The following TMEM225 variants were observed in gnomAD, a reference collection of about 807,000 sequenced individuals.
The protein encoded by TMEM225 is PMP22 claudin domain-containing protein.
Under a neutral mutation model 17.6 loss-of-function variants are expected in TMEM225, and 10 were observed. The ratio of observed to expected loss-of-function variants is 0.57; its 90% CI spans 0.35 to 0.96. TMEM225 has a LOEUF of 0.96. Among genes scored for constraint, TMEM225 ranks in the 40% least tolerant of loss-of-function variants. The pLI, the probability that TMEM225 is intolerant of heterozygous loss-of-function variation, is 0.02. For synonymous variants in TMEM225, 101 were observed against 94.5 expected (o/e 1.07, Z -0.40); for missense variants, 245 against 271.5 (o/e 0.90, Z 0.69).
rs760483112 is a variant in TMEM225, at chr11:123,885,365, C to T, written c.61G>A (p.Val21Ile). 37 of 1,613,328 alleles carry T rather than the reference C, an allele frequency of 2.3e-5. No individual in the cohort carries two copies. The highest frequency in any genetic ancestry group is 1.8e-4 in the South Asian group (16 of 91,054). Reference sequence around the variant, plus strand: ...GTGATTCCCATCACCATTAAGACTACGGCCCAGGAGGAGAAAAGTATGTTC... The same window carrying T: ...GTGATTCCCATCACCATTAAGACTATGGCCCAGGAGGAGAAAAGTATGTTC... ...GMNILFSSWA[V>I]VLMVMGITLD... The change falls in exon 1 of 4, where the codon GTA (valine) becomes ATA (isoleucine). Residue 21 changes from valine (V) to isoleucine (I), a missense_variant. By Grantham distance (29) the Val-to-Ile change is conservative. Coordinates refer to ENST00000375026, the MANE Select transcript of TMEM225 (RefSeq NM_001013743.3).
Position 123,883,165 on chromosome 11 carries a change from T to G in TMEM225, c.651A>C (p.Gln217His), listed in dbSNP as rs765878943. The change falls in exon 4 of 4, where the codon CAA (glutamine) becomes CAC (histidine). Residue 217 changes from glutamine to histidine, a missense_variant. Transcript: ENST00000375026. ...ACAGAGCCCAGGTTACGTGACGTGT[T>G]TGGACTTTTTTGTTTAGGGAATTCA... ...HTVNSLNKKV[Q>H]TRHVTWAL is the part of the protein sequence containing the mutation. The G allele has an allele frequency of 5.0e-6, 8 of 1,613,312 alleles. No individual in the cohort carries two copies. The highest frequency in any genetic ancestry group is 5.9e-6 in the Non-Finnish European group (7 of 1,179,550).
At position 123,883,331 on chromosome 11, in the gene TMEM225, C is replaced by T; in HGVS notation, c.485G>A (p.Cys162Tyr). 1 of 1,612,764 alleles carries T rather than the reference C, an allele frequency of 6.2e-7. No individual in the cohort carries two copies. The stretch of plus-strand genomic sequence containing the variant: ...GGTACAGCTACTGGTAGACAACTTG[C>T]ACTCTAGGAGAGAGAGGACTCCTAG... ...SVCGVLSLLE[C>Y]KLSTSSCTCL... The change falls in exon 4 of 4, where the codon TGC becomes TAC. Residue 162 changes from cysteine (C) to tyrosine (Y), a missense_variant. Transcript: ENST00000375026.
In TMEM225 at chr11:123,882,930, A is replaced by G; in HGVS notation, c.*208T>C. 1 of 395,216 alleles carries G rather than the reference A, an allele frequency of 2.5e-6. No individual in the cohort carries two copies. Among genetic ancestry groups the G allele is most frequent in the African/African-American group, 2.1e-5 (1 of 48,770 alleles). 24.5% of individuals were successfully genotyped at this position (395,216 alleles called of 1,614,324 possible). A position where few individuals can be genotyped will look rare whatever the true frequency, so the allele number is the denominator to read the frequency against. On this transcript the variant is annotated 3_prime_UTR_variant, in exon 4 of 4. Coordinates refer to ENST00000375026, the MANE Select transcript of TMEM225 (RefSeq NM_001013743.3). ...TAACAATACAGAAAGTATTATTTAT[A>G]TGATAATATTTATTATATTAACAAC...
In TMEM225 at chr11:123,883,318, G is replaced by A; in HGVS notation, c.498C>T (p.Thr166=). 6.2e-7 allele frequency: 1 copy of A among 1,613,104 alleles called. No homozygotes were observed. Among genetic ancestry groups the A allele is most frequent in the Non-Finnish European group, 8.5e-7 (1 of 1,179,428 alleles). The part of the protein sequence containing the change: ...VLSLLECKLS[T]SSCTCLNIHK... ...GGATGTTCAGGCAGGTACAGCTACT[G>A]GTAGACAACTTGCACTCTAGGAGAG... The change falls in exon 4 of 4, where the codon ACC becomes ACT. Residue 166 remains threonine, a synonymous_variant. Coordinates refer to ENST00000375026, the MANE Select transcript of TMEM225 (RefSeq NM_001013743.3).
At chr11:123,884,374 A>G (rs1863009922) in intron 2 of TMEM225, 116 bp downstream of exon 2, 3 of 1,302,766 alleles carry the variant, frequency 2.3e-6, no homozygotes, top group Non-Finnish European at 3.1e-6. Context: ...TCCTGCTTTT[A>G]TGGTAGATCT....
chr11:123,883,948 C>A, intron 3 of TMEM225, 127 bp downstream of exon 3: 15 of 999,690 alleles, frequency 1.5e-5, no homozygotes, highest in Non-Finnish European at 2.1e-5. Context: ...AGAATGAATC[C>A]AGGTGAGCTG....
In TMEM225 at chr11:123,884,312, C is replaced by T. The variant is rs74880684; in HGVS notation, c.329-103G>A. 3,189 of 1,419,928 alleles carry T rather than the reference C, an allele frequency of 2.2e-3. 56 individuals are homozygous for T. In the African/African-American group the frequency reaches 0.039, roughly 17 times the overall value. The allele number at this position is 1,419,928 out of a possible 1,614,324, so 88.0% of individuals were successfully genotyped here. A position where few individuals can be genotyped will look rare whatever the true frequency, so the allele number is the denominator to read the frequency against. On this transcript the variant is annotated intron_variant, in intron 2 of 3. Coordinates refer to ENST00000375026, the MANE Select transcript of TMEM225 (RefSeq NM_001013743.3). The stretch of plus-strand genomic sequence containing the variant: ...AAGTCTTCATTCCATATACACTTGA[C>T]TTCCCAACCCCCACCCGGTCCAACT...
Position 123,884,605 on chromosome 11 carries a change from C to T in TMEM225, c.213G>A (p.Thr71=), listed in dbSNP as rs201961554. 87 of 1,613,186 alleles carry T rather than the reference C, an allele frequency of 5.4e-5. No individual in the cohort carries two copies. Among genetic ancestry groups the T allele is most frequent in the Admixed American group, 2.3e-4 (14 of 59,918 alleles). ...DDLKVVRIMM[T]SSLGLSFLLN... ...GGAGGAAGGAAAGGCCAAGGCTCGA[C>T]GTCATCATAATCCTGACCACTTTCA... Residue 71 remains threonine (T), a synonymous_variant, in exon 2 of 4, where the codon ACG becomes ACA. Coordinates refer to ENST00000375026, the MANE Select transcript of TMEM225 (RefSeq NM_001013743.3).
chr11:123,884,133 A>G lies in TMEM225; in HGVS notation c.405T>C (p.Tyr135=), dbSNP rs757115188. Residue 135 remains tyrosine (Y), a synonymous_variant, in exon 3 of 4, where the codon TAT becomes TAC. Coordinates refer to ENST00000375026, the MANE Select transcript of TMEM225 (RefSeq NM_001013743.3). ...CAGTATACATGATCCAGGTGATCCT[A>G]TAACTAGAGAAGTGCATGGATTGAC... The part of the protein sequence containing the change: ...KQGQSMHFSS[Y]RITWIMYTAY... 1.9e-5 allele frequency: 30 copies of G among 1,611,944 alleles called. 1 individual carries two copies. The South Asian group carries it at 2.1e-4, about 11-fold the overall frequency.
At position 123,882,962 on chromosome 11, in the gene TMEM225, T is replaced by A. The variant is rs1343794657; in HGVS notation, c.*176A>T. 3 of 478,186 alleles carry A rather than the reference T, an allele frequency of 6.3e-6. No homozygotes were observed. Among genetic ancestry groups the A allele is most frequent in the Non-Finnish European group, 1.1e-5 (3 of 272,320 alleles). 29.6% of individuals were successfully genotyped at this position (478,186 alleles called of 1,614,324 possible). A position where few individuals can be genotyped will look rare whatever the true frequency, so the allele number is the denominator to read the frequency against. On this transcript the variant is annotated 3_prime_UTR_variant, in exon 4 of 4. Transcript: ENST00000375026. The stretch of plus-strand genomic sequence containing the variant: ...TATTTATTATATTAACAACAAATGT[T>A]GCAGAAGAAACTATTCGTTCAGCAG...
rs759069770 is a variant in TMEM225, at chr11:123,883,368, T to G, written c.464-16A>C. On this transcript the variant is annotated splice_polypyrimidine_tract_variant and intron_variant, in intron 3 of 3. Coordinates refer to ENST00000375026, the MANE Select transcript of TMEM225 (RefSeq NM_001013743.3). ...GAGAGGACTCCTAGGGAAAAGAGAT[T>G]CCAGGGAGTGGGATGAAGGGACAAT... 6.4e-7 allele frequency: 1 copy of G among 1,573,884 alleles called. No homozygotes were observed. Among genetic ancestry groups the G allele is most frequent in the Non-Finnish European group, 8.7e-7 (1 of 1,144,356 alleles).
intron 2 of TMEM225, 138 bp downstream of exon 2, chr11:123,884,352 G>C (rs1863009773): frequency 1.5e-6 from 2 of 1,309,730 alleles, no homozygotes; most frequent in African/African-American, 1.5e-5. Context: ...CTTGCCCAAA[G>C]ACTGATCCTG....
rs1018328002 is a variant in TMEM225, at chr11:123,885,498, A to G, written c.-73T>C. ...CTCTTCCTTGATTTGATTAGTTACA[A>G]GAAGGGTGATATCTGAACTTTCAGT... On this transcript the variant is annotated 5_prime_UTR_variant, in exon 1 of 4. Transcript: ENST00000375026. 2.8e-6 allele frequency: 4 copies of G among 1,434,324 alleles called. No homozygotes were observed. Among genetic ancestry groups the G allele is most frequent in the Non-Finnish European group, 3.8e-6 (4 of 1,044,648 alleles). 88.8% of individuals were successfully genotyped at this position (1,434,324 alleles called of 1,614,324 possible).
chr11:123,883,987 T>A, intron 3 of TMEM225, 88 bp downstream of exon 3: 2 of 1,410,330 alleles, frequency 1.4e-6, no homozygotes, highest in Non-Finnish European at 1.9e-6. Flanking sequence ...GGTTTGGCAC[T>A]TTTCCCTCTA....
chr11:123,884,252 A>G (rs1863008110), intron 2 of TMEM225, 43 bp from the exon 3 acceptor site: 3 of 1,542,386 alleles, frequency 1.9e-6, no homozygotes, highest in African/African-American at 1.4e-5. Context: ...GAAAAAGAAA[A>G]AAGTCCCTTC....
Position 123,883,253 on chromosome 11 carries a change from A to C in TMEM225, c.563T>G (p.Ile188Ser). The C allele has an allele frequency of 1.2e-6, 2 of 1,613,380 alleles. No individual in the cohort carries two copies. Reference sequence around the variant, plus strand: ...GCATTCTGGTAATGAAATATCTTCGATAGAATTCTCAGATTCCTTACATTC... The same window carrying C: ...GCATTCTGGTAATGAAATATCTTCGCTAGAATTCTCAGATTCCTTACATTC... ...DNECKESENS[I>S]EDISLPECTA... The change falls in exon 4 of 4, where the codon ATC becomes AGC. Residue 188 changes from isoleucine to serine, a missense_variant. Ile to Ser is a moderately radical substitution (Grantham distance 142, BLOSUM62 -2). Coordinates refer to ENST00000375026, the MANE Select transcript of TMEM225 (RefSeq NM_001013743.3).
In TMEM225 at chr11:123,882,933, A is replaced by T; in HGVS notation, c.*205T>A. The stretch of plus-strand genomic sequence containing the variant: ...CAATACAGAAAGTATTATTTATATG[A>T]TAATATTTATTATATTAACAACAAA... On this transcript the variant is annotated 3_prime_UTR_variant, in exon 4 of 4. Coordinates refer to ENST00000375026, the MANE Select transcript of TMEM225 (RefSeq NM_001013743.3). 2.5e-6 allele frequency: 1 copy of T among 407,772 alleles called. No individual in the cohort carries two copies. The highest frequency in any genetic ancestry group is 3.9e-5 in the East Asian group (1 of 25,390). 25.3% of individuals were successfully genotyped at this position (407,772 alleles called of 1,614,324 possible).
Position 123,883,178 on chromosome 11 carries a change from T to C in TMEM225, c.638A>G (p.Asn213Ser), listed in dbSNP as rs1196036121. ...TACGTGACGTGTTTGGACTTTTTTG[T>C]TTAGGGAATTCACAGTGTGTGCACG... ...IVRAHTVNSL[N>S]KKVQTRHVTW... The change falls in exon 4 of 4, where the codon AAC (asparagine) becomes AGC (serine). Residue 213 changes from asparagine to serine, a missense_variant. Physicochemically the swap from Asn to Ser is conservative, Grantham distance 46. Coordinates refer to ENST00000375026, the MANE Select transcript of TMEM225 (RefSeq NM_001013743.3). 1 of 1,613,476 alleles carries C rather than the reference T, an allele frequency of 6.2e-7. No homozygotes were observed. The highest frequency in any genetic ancestry group is 1.7e-5 in the Admixed American group (1 of 59,970).
At position 123,883,299 on chromosome 11, in the gene TMEM225, T is replaced by C. The variant is rs778929150; in HGVS notation, c.517A>G (p.Asn173Asp). The part of the protein sequence containing the change: ...KLSTSSCTCL[N>D]IHKSDNECKE... ...CATTCGTTGTCAGATTTATGGATGT[T>C]CAGGCAGGTACAGCTACTGGTAGAC... is the stretch of plus-strand genomic sequence containing the variant. Residue 173 changes from asparagine (N) to aspartate (D), a missense_variant, in exon 4 of 4, where the codon AAC becomes GAC. Transcript: ENST00000375026. The C allele has an allele frequency of 2.5e-6, 4 of 1,613,230 alleles. No homozygotes were observed. In the Admixed American group the frequency reaches 6.7e-5, roughly 27 times the overall value.
Sources: allele counts gnomAD v4.1 joint callset, GRCh38; gene constraint gnomAD v4.1.1; transcripts MANE v1.5; gene names NCBI Gene and HGNC (gene_info 2026-07-23, HGNC 2026-07-21).